ASAH2: variants seen among roughly 807,000 people sequenced by gnomAD.
ASAH2 encodes N-acylsphingosine amidohydrolase 2.
In ASAH2, 58 loss-of-function variants were observed where a neutral mutation model predicts 82.9. The observed-to-expected ratio is 0.70, with a 90% CI of 0.57 to 0.87. The LOEUF is 0.87. Among genes scored for constraint, ASAH2 ranks in the 40% least tolerant of loss-of-function variants. The probability of loss-of-function intolerance (pLI) is 0.00; values close to 1 mark genes in which losing one functional copy is unlikely to be tolerated. For synonymous variants in ASAH2, 276 were observed against 289.7 expected, an observed-to-expected ratio of 0.95 and a Z score of 0.48; for missense variants, 779 against 834.0, an observed-to-expected ratio of 0.93 and a Z score of 0.81.
chr10:50,221,434 C>T (rs1000902980), intron 7 of ASAH2, among the ~76,000 whole-genome samples: 2 of 152,290 alleles, frequency 1.3e-5, no homozygotes, highest in Admixed American at 6.5e-5. Flanking sequence ...AACTATTCTG[C>T]TGACATTATT....
rs1845442688 is a variant in ASAH2, at chr10:50,211,057, C to T, written c.1305G>A (p.Val435=). ...SAHQWVDMTD[V]TVWLNSTHAS... is the part of the protein sequence containing the mutation. ...CATGTGTGGAATTGAGCCAGACAGT[C>T]ACATCTGTCATATCCACCCACTGGT... Residue 435 remains valine, a synonymous_variant, in exon 11 of 21, where the codon GTG becomes GTA. Coordinates refer to ENST00000682911, the MANE Select transcript of ASAH2 (RefSeq NM_019893.4). 8.7e-6 allele frequency: 14 copies of T among 1,613,630 alleles called. No individual in the cohort carries two copies. The highest frequency in any genetic ancestry group is 1.3e-5 in the African/African-American group (1 of 75,050).
intron 7 of ASAH2, among the ~76,000 whole-genome samples, chr10:50,225,523 G>A (rs1845857460): frequency 3.9e-5 from 6 of 152,130 alleles, no homozygotes; most frequent in East Asian, 3.8e-4. Context: ...GAGCCAAACC[G>A]TGAATTGAAG....
At chr10:50,204,441 G>C (rs2133201966) in intron 14 of ASAH2, among the ~76,000 whole-genome samples, 1 of 152,058 alleles carries the variant, frequency 6.6e-6, no homozygotes, top group Admixed American at 6.6e-5. Context: ...GACTCCAAGA[G>C]ATAGGACCTG....
Position 50,245,257 on chromosome 10 carries a change from C to T in ASAH2, c.325G>A (p.Ala109Thr), listed in dbSNP as rs1212264805. Residue 109 changes from alanine (A) to threonine (T), a missense_variant, in exon 3 of 21, where the codon GCT (alanine) becomes ACT (threonine). By Grantham distance (58) the Ala-to-Thr change is moderately conservative. This residue lies in a region of ASAH2 where 759 missense variants were observed against 755.2 expected (regional missense o/e 1.00). Coordinates refer to ENST00000682911, the MANE Select transcript of ASAH2 (RefSeq NM_019893.4). ...FSGYHIGVGR[A>T]DCTGQVADIN... Reference sequence around the variant, plus strand: ...TCTGCTACTTGTCCTGTGCAGTCAGCTCGTCCAACACCAATATGGTAGCCA... The same window carrying T: ...TCTGCTACTTGTCCTGTGCAGTCAGTTCGTCCAACACCAATATGGTAGCCA... The T allele has an allele frequency of 5.6e-6, 9 of 1,614,122 alleles. No individual in the cohort carries two copies. Among genetic ancestry groups the T allele is most frequent in the Non-Finnish European group, 7.6e-6 (9 of 1,180,002 alleles).
rs1845781409 is a variant in ASAH2, at chr10:50,222,772, A to G, written c.894-4142T>C. On this transcript the variant is annotated intron_variant, in intron 7 of 20. Coordinates refer to ENST00000682911, the MANE Select transcript of ASAH2 (RefSeq NM_019893.4). ...GCAAACTTGTCACAGCAACCAAAGT[A>G]CTATAGTTATGGATGAATATTTATA... 2.0e-5 allele frequency among the ~76,000 whole-genome samples: 3 copies of G among 152,228 alleles called. No homozygotes were observed. In the South Asian group the frequency reaches 6.2e-4, roughly 32 times the overall value.
intron 3 of ASAH2, among the ~76,000 whole-genome samples, chr10:50,243,838 G>A (rs1199745720): frequency 2.6e-5 from 4 of 152,176 alleles, no homozygotes; most frequent in Non-Finnish European, 4.4e-5. Flanking sequence ...GTATGATTTT[G>A]TTTTCTGAAG....
At chr10:50,196,100 C>A (rs1844972690) in intron 18 of ASAH2, among the ~76,000 whole-genome samples, 1 of 151,712 alleles carries the variant, frequency 6.6e-6, no homozygotes, top group African/African-American at 2.4e-5. Context: ...TTAATTAGCT[C>A]AATTGAGCCA....
intron 6 of ASAH2, among the ~76,000 whole-genome samples, chr10:50,234,093 T>C (rs1408084023): frequency 3.9e-5 from 6 of 152,076 alleles, no homozygotes; most frequent in Non-Finnish European, 8.8e-5. Flanking sequence ...TAAATTAAGA[T>C]AAGTAAATCA....
At chr10:50,202,958 T>C in intron 15 of ASAH2, 34 bp from the exon 16 acceptor site, 1 of 1,295,934 alleles carries the variant, frequency 7.7e-7, no homozygotes, top group Non-Finnish European at 1.1e-6. Context: ...ATAAAATTAC[T>C]CTTCATCTTT....
intron 18 of ASAH2, among the ~76,000 whole-genome samples, chr10:50,193,481 G>C (rs1252732846): frequency 0.02 from 3,000 of 149,002 alleles, 15 homozygotes; most frequent in African/African-American, 0.069. Context: ...ATGCATATAA[G>C]GGAACTACTG....
intron 1 of ASAH2, among the ~76,000 whole-genome samples, chr10:50,250,641 C>T (rs954700408): frequency 3.9e-5 from 6 of 152,192 alleles, no homozygotes; most frequent in African/African-American, 1.4e-4. Context: ...TCTAAGCCTT[C>T]CTACTAGCCA....
chr10:50,211,636 C>T lies in ASAH2; in HGVS notation c.1228-502G>A, dbSNP rs1014581502. ...CACAATCCACTCTTCGGTGCTTTTG[C>T]TTTTGTGTTTTAATATGGTCAATTG... On this transcript the variant is annotated intron_variant, in intron 10 of 20. Transcript: ENST00000682911. 5.3e-5 allele frequency among the ~76,000 whole-genome samples: 8 copies of T among 152,116 alleles called. No individual in the cohort carries two copies. The South Asian group carries it at 1.0e-3, about 20-fold the overall frequency.
intron 4 of ASAH2, among the ~76,000 whole-genome samples, chr10:50,241,888 G>GGGTGGAGGGCT (rs1023055863): frequency 6.6e-6 from 1 of 152,072 alleles, no homozygotes; most frequent in Admixed American, 6.5e-5. Context: ...GCCTGTCGGT[G>GGGTGGAGGGCT]GGTGGAGGGC....
Position 50,199,126 on chromosome 10 carries a change from T to C in ASAH2, c.1782A>G (p.Ala594=), listed in dbSNP as rs1472399918. 1.2e-6 allele frequency: 2 copies of C among 1,613,168 alleles called. No homozygotes were observed. The highest frequency in any genetic ancestry group is 1.7e-6 in the Non-Finnish European group (2 of 1,179,442). Residue 594 remains alanine (A), a synonymous_variant, in exon 17 of 21, where the codon GCA becomes GCG. Coordinates refer to ENST00000682911, the MANE Select transcript of ASAH2 (RefSeq NM_019893.4). The stretch of plus-strand genomic sequence containing the variant: ...ATGTGTGCGGTCCATAAATTGTCGA[T>C]GCTGCCTCATATCGCTGAGCCTGCA... The part of the protein sequence containing the change: ...EEYQAQRYEA[A]STIYGPHTLS...
chr10:50,185,391 G>A lies in ASAH2; in HGVS notation c.*1924C>T, dbSNP rs1444902886. The A allele has an allele frequency of 8.8e-6, 1 of 113,948 alleles. No homozygotes were observed. The highest frequency in any genetic ancestry group is 1.9e-5 in the Non-Finnish European group (1 of 54,030). 7.1% of individuals were successfully genotyped at this position (113,948 alleles called of 1,614,324 possible). ...GGAGCCAAGAGTGCTAGGTGCAGTA[G>A]GATCAGTAGATGATACAGTGGCCAC... On this transcript the variant is annotated 3_prime_UTR_variant, in exon 21 of 21. Coordinates refer to ENST00000682911, the MANE Select transcript of ASAH2 (RefSeq NM_019893.4).
At chr10:50,212,212 C>CAA (rs1554905804) in intron 10 of ASAH2, among the ~76,000 whole-genome samples, 3 of 151,616 alleles carry the variant, frequency 2.0e-5, no homozygotes, top group Non-Finnish European at 4.4e-5. Flanking sequence ...CACACACACA[C>CAA]GCAGCAAAGG....
rs979176531 is a variant in ASAH2 at position 50,234,654 on chromosome 10, G to T, written c.688-102C>A. 29 of 1,489,906 alleles carry T rather than the reference G, an allele frequency of 1.9e-5. No homozygotes were observed. The African/African-American group carries it at 3.5e-4, about 18-fold the overall frequency. 92.3% of individuals were successfully genotyped at this position (1,489,906 alleles called of 1,614,324 possible). ...AAGAGCCCTGTGAACAATTTCCTTT[G>T]TCTCTAATGGGTCCACATTACGGGA... On this transcript the variant is annotated intron_variant, in intron 5 of 20. Coordinates refer to ENST00000682911, the MANE Select transcript of ASAH2 (RefSeq NM_019893.4).
At position 50,204,945 on chromosome 10, in the gene ASAH2, G is replaced by A. The variant is rs899833507; in HGVS notation, c.1541C>T (p.Pro514Leu). 71 of 1,608,548 alleles carry A rather than the reference G, an allele frequency of 4.4e-5. No homozygotes were observed. Among genetic ancestry groups the A allele is most frequent in the Non-Finnish European group, 5.8e-5 (68 of 1,177,658 alleles). ...AACAATGTCTGGATGCCAGGGGTGAGGTTTTGATAGCTGAGAACCCAAAAC... is the reference window on the plus strand; with the variant it reads ...AACAATGTCTGGATGCCAGGGGTGAAGTTTTGATAGCTGAGAACCCAAAAC... ...ILLHTGELSK[P>L]HPWHPDIVDV... Residue 514 changes from proline to leucine, a missense_variant, in exon 14 of 21, where the codon CCT becomes CTT. Pro to Leu is a moderately conservative substitution (Grantham distance 98). Transcript: ENST00000682911.
chr10:50,247,782 G>T (rs901275911), intron 2 of ASAH2, among the ~76,000 whole-genome samples: 1 of 151,834 alleles, frequency 6.6e-6, no homozygotes, highest in Non-Finnish European at 1.5e-5. Context: ...AAGACCCACT[G>T]CCAATCTTTG....
Sources: gnomAD v4.1 joint callset for allele counts (sites outside exome capture counted in the v4.1 genomes callset) on GRCh38, gnomAD v4.1.1 for gene constraint, gnomAD v4.1.1 regional missense constraint, MANE v1.5 for transcripts, NCBI Gene and HGNC (gene_info 2026-07-23, HGNC 2026-07-21) for gene names.